The following MAST4 variants were observed in gnomAD, a reference collection of about 807,000 sequenced individuals.
MAST4 encodes microtubule-associated serine/threonine-protein kinase 4.
In MAST4, 89 loss-of-function variants were observed where a neutral mutation model predicts 162.7. The observed-to-expected ratio is 0.55, with a 90% CI of 0.46 to 0.65. The LOEUF (loss-of-function observed/expected upper bound fraction) is 0.65. Among genes scored for constraint, MAST4 ranks in the 30% least tolerant of loss-of-function variants. MAST4 has a pLI of 0.00. For synonymous variants in MAST4, 1,479 were observed against 1,361.1 expected (o/e 1.09, Z -1.91); for missense variants, 3,153 against 3,374.0 (o/e 0.93, Z 1.62).
intron 3 of MAST4, among the ~76,000 whole-genome samples, chr5:66,838,758 G>A (rs1758210349): frequency 6.6e-6 from 1 of 152,140 alleles, no homozygotes; most frequent in African/African-American, 2.4e-5. Flanking sequence ...GTGTGTGCAA[G>A]GTGTGGTGGC....
intron 1 of MAST4, among the ~76,000 whole-genome samples, chr5:66,608,780 A>T (rs563899981): frequency 3.5e-4 from 39 of 111,770 alleles, no homozygotes; most frequent in South Asian, 2.6e-3. Flanking sequence ...CTTGTAATAG[A>T]TGGCTGGTAG....
intron 1 of MAST4, among the ~76,000 whole-genome samples, chr5:66,749,351 A>G (rs1256836383): frequency 1.3e-5 from 2 of 152,158 alleles, no homozygotes; most frequent in East Asian, 3.8e-4. Flanking sequence ...GTTCATGCCA[A>G]AAACATAGCT....
At chr5:67,143,198 A>G (rs1355430491) in intron 21 of MAST4, among the ~76,000 whole-genome samples, 1 of 151,986 alleles carries the variant, frequency 6.6e-6, no homozygotes, top group African/African-American at 2.4e-5. Flanking sequence ...AGGCAAGAAG[A>G]TAGCGTAAGC....
At chr5:66,869,250 C>T (rs1760752852) in intron 3 of MAST4, among the ~76,000 whole-genome samples, 1 of 152,150 alleles carries the variant, frequency 6.6e-6, no homozygotes, top group South Asian at 2.1e-4. Flanking sequence ...TTGAAAGGAG[C>T]ACTTTCACAT....
intron 14 of MAST4, among the ~76,000 whole-genome samples, chr5:67,125,206 T>C (rs1487428029): frequency 1.3e-5 from 2 of 152,154 alleles, no homozygotes; most frequent in African/African-American, 4.8e-5. Flanking sequence ...TAACTTTCAT[T>C]TTAAAATATA....
chr5:67,166,593 G>A lies in MAST4; in HGVS notation c.7414G>A (p.Val2472Ile), dbSNP rs775234040. The change falls in exon 29 of 29, where the codon GTT becomes ATT. Residue 2472 changes from valine to isoleucine, a missense_variant. By Grantham distance (29) the Val-to-Ile change is conservative (BLOSUM62 3). Around this residue, in one of 7 missense-constraint regions of MAST4, gnomAD observed 1,644 missense variants for 1,495.0 expected, o/e 1.10. Transcript: ENST00000403625. The stretch of plus-strand genomic sequence containing the variant: ...CAGCTTCCCTGAAACCAGGGCCGGA[G>A]TTAGAGAGGCCTCTGCAGCCAGCAG... ...SSSFPETRAG[V>I]REASAASSDT... 1.2e-6 allele frequency: 2 copies of A among 1,602,452 alleles called. No homozygotes were observed. The highest frequency in any genetic ancestry group is 1.1e-5 in the South Asian group (1 of 88,828).
intron 3 of MAST4, among the ~76,000 whole-genome samples, chr5:66,848,510 T>A (rs1759059005): frequency 1.3e-5 from 2 of 152,296 alleles, no homozygotes; most frequent in Admixed American, 6.5e-5. Flanking sequence ...TCAGTTAGCC[T>A]CCGTTATTAT....
intron 9 of MAST4, among the ~76,000 whole-genome samples, chr5:67,103,822 A>G (rs548622584): frequency 6.6e-6 from 1 of 152,232 alleles, no homozygotes; most frequent in Admixed American, 6.5e-5. Flanking sequence ...AATGTTTGAT[A>G]TTTTGGACAG....
intron 1 of MAST4, among the ~76,000 whole-genome samples, chr5:66,632,241 T>G (rs777800826): frequency 5.3e-5 from 8 of 152,204 alleles, no homozygotes; most frequent in Non-Finnish European, 1.2e-4. Flanking sequence ...TAATGCAGAA[T>G]TATTTCCTTA....
At chr5:66,857,812 T>C (rs1191367822) in intron 3 of MAST4, among the ~76,000 whole-genome samples, 1 of 152,190 alleles carries the variant, frequency 6.6e-6, no homozygotes, top group African/African-American at 2.4e-5. Flanking sequence ...AATTTACTTA[T>C]GGTGTCGTTT....
chr5:67,082,339 T>C (rs148275730), intron 5 of MAST4, among the ~76,000 whole-genome samples: 14 of 152,216 alleles, frequency 9.2e-5, no homozygotes, highest in Non-Finnish European at 1.9e-4. Flanking sequence ...TTCACCATGT[T>C]GGCCAGGATG....
chr5:66,737,618 TTC>T (rs1384337008), intron 1 of MAST4, among the ~76,000 whole-genome samples: 3 of 152,160 alleles, frequency 2.0e-5, no homozygotes, highest in Non-Finnish European at 4.4e-5. Flanking sequence ...TCTGGATTCT[TTC>T]TGTGTCTAGG....
intron 1 of MAST4, among the ~76,000 whole-genome samples, chr5:66,711,095 A>G (rs983400877): frequency 1.3e-5 from 2 of 152,156 alleles, no homozygotes; most frequent in African/African-American, 4.8e-5. Flanking sequence ...ATCATACGGG[A>G]TGTCCCATTG....
rs1187067446 is a variant in MAST4 at position 66,672,062 on chromosome 5, T to C, written c.363+75044T>C. Among the ~76,000 whole-genome samples the C allele has an allele frequency of 2.0e-5, 3 of 152,254 alleles. No homozygotes were observed. The South Asian group carries it at 6.2e-4, about 32-fold the overall frequency. On this transcript the variant is annotated intron_variant, in intron 1 of 28. Transcript: ENST00000403625. ...ATCCTTCTAAGTGTCTTAATTTTGTTTGATTTAAACATGTAGTGTATTTTA... is the reference window on the plus strand; with the variant it reads ...ATCCTTCTAAGTGTCTTAATTTTGTCTGATTTAAACATGTAGTGTATTTTA...
At chr5:66,843,828 C>T (rs912047311) in intron 3 of MAST4, among the ~76,000 whole-genome samples, 4 of 152,054 alleles carry the variant, frequency 2.6e-5, no homozygotes, top group Admixed American at 1.3e-4. Context: ...GGTATATTAG[C>T]GGCTCATACT....
At chr5:67,035,860 T>A (rs1755959524) in intron 4 of MAST4, among the ~76,000 whole-genome samples, 2 of 152,158 alleles carry the variant, frequency 1.3e-5, no homozygotes, top group African/African-American at 4.8e-5. Context: ...AAATCGTGTC[T>A]AGGGTACTTA....
intron 26 of MAST4, among the ~76,000 whole-genome samples, chr5:67,155,808 T>C (rs1453551891): frequency 6.6e-6 from 1 of 152,018 alleles, no homozygotes; most frequent in Admixed American, 6.5e-5. Context: ...ATACCCGTAA[T>C]CCCAGCACTT....
chr5:66,767,884 C>T (rs936489798), intron 2 of MAST4, among the ~76,000 whole-genome samples: 23 of 152,232 alleles, frequency 1.5e-4, no homozygotes, highest in Non-Finnish European at 2.9e-4. Context: ...AGATAGTATC[C>T]ACCCAGATTA....
At chr5:67,066,780 T>C (rs781303620) in intron 5 of MAST4, among the ~76,000 whole-genome samples, 1 of 152,204 alleles carries the variant, frequency 6.6e-6, no homozygotes, top group African/African-American at 2.4e-5. Flanking sequence ...CTTGTATTTG[T>C]GTTGTTGGGC....
Sources: gnomAD v4.1 joint callset for allele counts (sites outside exome capture counted in the v4.1 genomes callset) on GRCh38, gnomAD v4.1.1 for gene constraint, gnomAD v4.1.1 regional missense constraint, MANE v1.5 for transcripts, NCBI Gene and HGNC (gene_info 2026-07-23, HGNC 2026-07-21) for gene names.